Variants in HPSE2 observed in about 807,000 individuals in gnomAD.
HPSE2 encodes inactive heparanase-2.
HPSE2 carries 38 observed loss-of-function variants against 60.5 expected under a neutral mutation model. The ratio of observed to expected loss-of-function variants is 0.63; its 90% CI spans 0.48 to 0.82. The LOEUF (loss-of-function observed/expected upper bound fraction) is 0.82. HPSE2 is among the 40% of genes least tolerant of loss of function. The pLI is 0.00. For missense variants in HPSE2, 713 were observed against 740.4 expected (o/e 0.96, Z 0.43); for synonymous variants, 295 against 293.2 (o/e 1.01, Z -0.06).
At chr10:99,233,121 T>C (rs1214712337) in intron 1 of HPSE2, among the ~76,000 whole-genome samples, 1 of 152,234 alleles carries the variant, frequency 6.6e-6, no homozygotes, top group Non-Finnish European at 1.5e-5. Flanking sequence ...TTGTAAAAAC[T>C]GCATTGTTTC....
At chr10:99,029,555 T>C (rs939129625) in intron 3 of HPSE2, among the ~76,000 whole-genome samples, 1 of 152,194 alleles carries the variant, frequency 6.6e-6, no homozygotes, top group Non-Finnish European at 1.5e-5. Context: ...GTGGGTCACG[T>C]GTCCACTGGA....
chr10:99,293,314 A>C, the HPSE2 span, among the ~76,000 whole-genome samples: 1 of 152,234 alleles, frequency 6.6e-6, no homozygotes, highest in Non-Finnish European at 1.5e-5. Context: ...GAAACATTGG[A>C]TAGGCCAGAA....
chr10:98,862,952 T>C (rs1952494980), intron 3 of HPSE2, among the ~76,000 whole-genome samples: 1 of 152,070 alleles, frequency 6.6e-6, no homozygotes, highest in Non-Finnish European at 1.5e-5. Context: ...TTATTAGAGA[T>C]GAGGTTTTGT....
At position 98,813,849 on chromosome 10, in the gene HPSE2, A is replaced by T. The variant is rs536462760; in HGVS notation, c.611-69793T>A. ...ATATCTTGAAAATGTTAAGATAGCC[A>T]AATTTGCAATAAAACATATTAAATT... is the stretch of plus-strand genomic sequence containing the variant. On this transcript the variant is annotated intron_variant, in intron 3 of 11. Transcript: ENST00000370552. 1.3e-5 allele frequency among the ~76,000 whole-genome samples: 2 copies of T among 152,350 alleles called. 1 individual carries two copies. Among genetic ancestry groups the T allele is most frequent in the South Asian group, 4.1e-4 (2 of 4,832 alleles).
At chr10:98,683,618 A>G (rs918967118) in intron 6 of HPSE2, among the ~76,000 whole-genome samples, 6 of 152,082 alleles carry the variant, frequency 3.9e-5, no homozygotes, top group Middle Eastern at 3.4e-3. Flanking sequence ...AATTTAGATG[A>G]TTAAGGAGGT....
At chr10:98,878,997 G>A (rs941583209) in intron 3 of HPSE2, among the ~76,000 whole-genome samples, 7 of 151,930 alleles carry the variant, frequency 4.6e-5, no homozygotes, top group African/African-American at 1.7e-4. Context: ...CTAGCAACTG[G>A]GAGAAGAACG....
At chr10:98,949,908 G>A (rs1218529170) in intron 3 of HPSE2, among the ~76,000 whole-genome samples, 2 of 152,004 alleles carry the variant, frequency 1.3e-5, no homozygotes, top group African/African-American at 2.4e-5. Context: ...GCAGAAGTAT[G>A]GCAAATGAAC....
chr10:98,475,375 T>C (rs903078268), intron 11 of HPSE2, among the ~76,000 whole-genome samples: 1 of 152,120 alleles, frequency 6.6e-6, no homozygotes. Flanking sequence ...CGCCTCGGCC[T>C]CCCAAAATGC....
chr10:99,240,620 G>A (rs776593247), upstream of HPSE2, among the ~76,000 whole-genome samples: 4 of 152,004 alleles, frequency 2.6e-5, no homozygotes, highest in Non-Finnish European at 5.9e-5. Flanking sequence ...CACCGTGTTA[G>A]CCAGGATGGT....
intron 3 of HPSE2, among the ~76,000 whole-genome samples, chr10:99,097,499 A>G (rs1395705357): frequency 6.6e-6 from 1 of 152,188 alleles, no homozygotes; most frequent in Non-Finnish European, 1.5e-5. Context: ...AGTAAACTCT[A>G]GCATTCTCTT....
intron 9 of HPSE2, among the ~76,000 whole-genome samples, chr10:98,543,676 A>T (rs1015943353): frequency 6.6e-6 from 1 of 152,106 alleles, no homozygotes; most frequent in African/African-American, 2.4e-5. Flanking sequence ...AGGGGTTGCA[A>T]TCCTAGTCTC....
intron 3 of HPSE2, among the ~76,000 whole-genome samples, chr10:99,100,344 T>A (rs1843908916): frequency 6.6e-6 from 1 of 151,972 alleles, no homozygotes; most frequent in Non-Finnish European, 1.5e-5. Flanking sequence ...ACATGACAAA[T>A]ACATAAGCTT....
At chr10:98,960,703 T>TTTTTTTTTTA (rs1955637860) in intron 3 of HPSE2, among the ~76,000 whole-genome samples, 1 of 50,304 alleles carries the variant, frequency 2.0e-5, no homozygotes, top group African/African-American at 1.0e-4. Flanking sequence ...GTACATTTCT[T>TTTTTTTTTTA]TTTTTTTTTT....
intron 3 of HPSE2, among the ~76,000 whole-genome samples, chr10:98,770,342 T>C (rs1390938895): frequency 5.3e-5 from 8 of 152,188 alleles, no homozygotes; most frequent in Non-Finnish European, 1.0e-4. Context: ...TGTGTTTGTG[T>C]ATGTGTGTGC....
rs1173426330 is a variant in HPSE2, at chr10:99,156,322, C to T, written c.449-11923G>A. On this transcript the variant is annotated intron_variant, in intron 2 of 11. Transcript: ENST00000370552. ...AAAAAGAGAATTTTAGACCAATATC[C>T]TTGATGAACATTGACGCAAAAATCC... Among the ~76,000 whole-genome samples the T allele has an allele frequency of 3.1e-5, 4 of 130,578 alleles. No individual in the cohort carries two copies. In the East Asian group the frequency reaches 9.7e-4, roughly 32 times the overall value. 85.7% of individuals were successfully genotyped at this position (130,578 alleles called of 152,430 possible).
chr10:98,516,786 C>A (rs1942616655), intron 9 of HPSE2, among the ~76,000 whole-genome samples: 1 of 152,188 alleles, frequency 6.6e-6, no homozygotes. Context: ...ATGTGAAGCT[C>A]ATTGTCCAGA....
chr10:98,852,411 C>T (rs1952203605), intron 3 of HPSE2, among the ~76,000 whole-genome samples: 1 of 152,126 alleles, frequency 6.6e-6, no homozygotes, highest in African/African-American at 2.4e-5. Flanking sequence ...CAGGATCTCA[C>T]TATGTTGCCT....
Position 99,126,070 on chromosome 10 carries a change from CT to C in HPSE2, c.610+18167del, listed in dbSNP as rs969933271. On this transcript the variant is annotated intron_variant, in intron 3 of 11. Transcript: ENST00000370552. The surrounding 1 kb of genome is among the most constrained non-coding windows in gnomAD (Gnocchi z 4.0). ...GGAGGGGCAGGGCCTGAAATCTGTG[CT>C]TGCTTTCTCAGCAGGGAAGCTTACG... is the stretch of plus-strand genomic sequence containing the variant. Among the ~76,000 whole-genome samples the C allele has an allele frequency of 3.3e-5, 5 of 152,160 alleles. No individual in the cohort carries two copies. The highest frequency in any genetic ancestry group is 9.7e-5 in the African/African-American group (4 of 41,430).
intron 3 of HPSE2, among the ~76,000 whole-genome samples, chr10:98,871,804 T>C (rs1273832118): frequency 2.0e-5 from 3 of 151,968 alleles, no homozygotes; most frequent in Non-Finnish European, 4.4e-5. Flanking sequence ...AGCTGACAAC[T>C]CCATGAACAA....
Sources: allele counts gnomAD v4.1 joint callset (sites outside exome capture counted in the v4.1 genomes callset), GRCh38; gene constraint gnomAD v4.1.1; non-coding constraint Gnocchi (gnomAD v3.1); transcripts MANE v1.5; gene names NCBI Gene and HGNC (gene_info 2026-07-23, HGNC 2026-07-21).